Variants in PRKCSH observed in about 807,000 individuals in gnomAD.
PRKCSH encodes the protein glucosidase 2 subunit beta.
In PRKCSH, 42 loss-of-function variants were observed where a neutral mutation model predicts 79.7. The ratio of observed to expected loss-of-function variants is 0.53; its 90% confidence interval spans 0.41 to 0.68. The LOEUF (loss-of-function observed/expected upper bound fraction) is 0.68. PRKCSH is among the 30% of genes least tolerant of loss of function. PRKCSH has a pLI of 0.00. For synonymous variants in PRKCSH, 325 were observed against 288.2 expected, an observed-to-expected ratio of 1.13 and a Z score of -1.29; for missense variants, 686 against 709.0, an observed-to-expected ratio of 0.97 and a Z score of 0.37.
In PRKCSH at chr19:11,436,091, G is replaced by GT. The variant is rs561222519; in HGVS notation, c.-24dup. On this transcript the variant is annotated 5_prime_UTR_variant, in exon 2 of 18. Coordinates refer to ENST00000677123, the MANE Select transcript of PRKCSH (RefSeq NM_001289104.2). The stretch of plus-strand genomic sequence containing the variant: ...CTGTAGGCTTCCTCCCACAGAACCC[G>GT]TTTCGGGCCTCAGAGCGTCTGGTGA... The GT allele has an allele frequency of 6.8e-5, 109 of 1,606,310 alleles. 2 individuals are homozygous for GT. In the South Asian group the frequency reaches 1.1e-3, roughly 16 times the overall value.
chr19:11,444,426 C>T (rs980161658), intron 7 of PRKCSH, among the ~76,000 whole-genome samples: 7 of 152,224 alleles, frequency 4.6e-5, no homozygotes, highest in African/African-American at 1.7e-4. Flanking sequence ...CAGGTCCCTT[C>T]ACCCACAGAA....
chr19:11,446,264 C>A lies in PRKCSH; in HGVS notation c.684-8C>A, dbSNP rs1247923935. The stretch of plus-strand genomic sequence containing the variant: ...CCCCTCCAGTCTGCTTCTGCCACGC[C>A]CCCGCAGGGTCTCGGTGACTGAGCT... On this transcript the variant is annotated splice_region_variant and splice_polypyrimidine_tract_variant and intron_variant, in intron 8 of 17. Coordinates refer to ENST00000677123, the MANE Select transcript of PRKCSH (RefSeq NM_001289104.2). The A allele has an allele frequency of 6.2e-7, 1 of 1,613,308 alleles. No homozygotes were observed. Among genetic ancestry groups the A allele is most frequent in the East Asian group, 2.2e-5 (1 of 44,866 alleles).
chr19:11,436,392 A>C lies in PRKCSH; in HGVS notation c.83A>C (p.His28Pro). 6.2e-7 allele frequency: 1 copy of C among 1,614,090 alleles called. No homozygotes were observed. The highest frequency in any genetic ancestry group is 1.1e-5 in the South Asian group (1 of 91,090). The change falls in exon 3 of 18, where the codon CAT becomes CCT. Residue 28 changes from histidine (H) to proline (P), a missense_variant. His to Pro is a moderately conservative substitution (Grantham distance 77). This residue lies in a region of PRKCSH where 549 missense variants were observed against 520.2 expected (regional missense o/e 1.06). Transcript: ENST00000677123. ...KRPRGVSLTN[H>P]HFYDESKPFT... ...CTGAGCTTCCTGTACCCCGCAGATC[A>C]TCACTTCTACGATGAGTCCAAGCCT... is the stretch of plus-strand genomic sequence containing the variant.
chr19:11,447,672 C>T lies in PRKCSH; in HGVS notation c.1030-21C>T. ...GAGAGGGTGGGGGAAGGGCTACTCA[C>T]TGACCCTGCCCCTGCCCCAGGAGGC... On this transcript the variant is annotated intron_variant, in intron 11 of 17. Coordinates refer to ENST00000677123, the MANE Select transcript of PRKCSH (RefSeq NM_001289104.2). This position sits in a 1 kb window ranked among gnomAD's most constrained non-coding sequence, Gnocchi z 5.6. 1 of 1,563,130 alleles carries T rather than the reference C, an allele frequency of 6.4e-7. No individual in the cohort carries two copies. The highest frequency in any genetic ancestry group is 8.7e-7 in the Non-Finnish European group (1 of 1,153,458).
intron 7 of PRKCSH, among the ~76,000 whole-genome samples, chr19:11,444,648 G>A (rs994842259): frequency 6.6e-6 from 1 of 152,182 alleles, no homozygotes; most frequent in African/African-American, 2.4e-5. Context: ...TGGAGCCGCT[G>A]TTGTGGCTGC....
rs1288532944 is a variant in PRKCSH, at chr19:11,448,400, C to G, written c.1196+109C>G. ...GAGGCAACCACAGGCTGGGCCTGGT[C>G]CCTGCAGGGAGGGTCCCTGGGAGGT... On this transcript the variant is annotated intron_variant, in intron 13 of 17. Transcript: ENST00000677123. This position sits in a 1 kb window ranked among gnomAD's most constrained non-coding sequence, Gnocchi z 4.4. 6.1e-6 allele frequency: 9 copies of G among 1,477,904 alleles called. No individual in the cohort carries two copies. Among genetic ancestry groups the G allele is most frequent in the Non-Finnish European group, 8.4e-6 (9 of 1,073,928 alleles). 91.5% of individuals were successfully genotyped at this position (1,477,904 alleles called of 1,614,324 possible).
chr19:11,448,187 T>C lies in PRKCSH; in HGVS notation c.1127-35T>C. ...CCGTTCCCCATCCTCCTGGATGGGG[T>C]TGAGGACATCTCTGACCTCCAACCC... is the stretch of plus-strand genomic sequence containing the variant. On this transcript the variant is annotated intron_variant, in intron 12 of 17. Coordinates refer to ENST00000677123, the MANE Select transcript of PRKCSH (RefSeq NM_001289104.2). This position sits in a 1 kb window ranked among gnomAD's most constrained non-coding sequence, Gnocchi z 4.4. 3 of 1,546,220 alleles carry C rather than the reference T, an allele frequency of 1.9e-6. No homozygotes were observed. Among genetic ancestry groups the C allele is most frequent in the Non-Finnish European group, 2.6e-6 (3 of 1,142,130 alleles).
chr19:11,442,503 A>C lies in PRKCSH; in HGVS notation c.586A>C (p.Lys196Gln). 1 of 1,610,916 alleles carries C rather than the reference A, an allele frequency of 6.2e-7. No homozygotes were observed. The highest frequency in any genetic ancestry group is 8.5e-7 in the Non-Finnish European group (1 of 1,179,014). ...PEREAKEQHQKLWEEQLAAAK... is the reference protein window; with the variant it reads ...PEREAKEQHQQLWEEQLAAAK... ...GAGAGAGGCCAAAGAGCAGCACCAG[A>C]AGCTGTGGGAAGGTATGGCAGAAAT... Residue 196 changes from lysine (K) to glutamine (Q), a missense_variant, in exon 7 of 18, where the codon AAG becomes CAG. Lys to Gln is a moderately conservative substitution (Grantham distance 53). Around this residue, in one of 2 missense-constraint regions of PRKCSH, gnomAD observed 549 missense variants for 520.2 expected, o/e 1.06. Coordinates refer to ENST00000677123, the MANE Select transcript of PRKCSH (RefSeq NM_001289104.2).
Position 11,449,301 on chromosome 19 carries a change from C to G in PRKCSH, c.1497C>G (p.Thr499=). The part of the protein sequence containing the change: ...RLLCGKETMV[T]STTEPSRCEY... ...TGTGCGGGAAAGAGACCATGGTGAC[C>G]AGCACCACAGAGCCCAGTCGCTGCG... Residue 499 remains threonine, a synonymous_variant, in exon 17 of 18, where the codon ACC becomes ACG. Transcript: ENST00000677123. This position sits in a 1 kb window ranked among gnomAD's most constrained non-coding sequence, Gnocchi z 6.4. The G allele has an allele frequency of 6.2e-7, 1 of 1,613,722 alleles. No homozygotes were observed. The highest frequency in any genetic ancestry group is 8.5e-7 in the Non-Finnish European group (1 of 1,179,974).
Position 11,448,213 on chromosome 19 carries a change from C to G in PRKCSH, c.1127-9C>G, listed in dbSNP as rs1970414147. ...TGAGGACATCTCTGACCTCCAACCC[C>G]TCTCCCAGCTGCCCAGGAGGCCCGC... On this transcript the variant is annotated splice_polypyrimidine_tract_variant and intron_variant, in intron 12 of 17. Transcript: ENST00000677123. The surrounding 1 kb of genome is among the most constrained non-coding windows in gnomAD (Gnocchi z 4.4). 4 of 1,555,334 alleles carry G rather than the reference C, an allele frequency of 2.6e-6. No individual in the cohort carries two copies. The African/African-American group carries it at 4.1e-5, about 16-fold the overall frequency.
rs1447482245 is a variant in PRKCSH, at chr19:11,448,903, G to C, written c.1287-11G>C. ...TGCGTTCCCCAACCCATATGTCCCGGTCCTCCACAGATACGTCTACCGCCT... is the reference window on the plus strand; with the variant it reads ...TGCGTTCCCCAACCCATATGTCCCGCTCCTCCACAGATACGTCTACCGCCT... On this transcript the variant is annotated splice_polypyrimidine_tract_variant and intron_variant, in intron 14 of 17. Transcript: ENST00000677123. This position sits in a 1 kb window ranked among gnomAD's most constrained non-coding sequence, Gnocchi z 4.4. 6.2e-7 allele frequency: 1 copy of C among 1,613,986 alleles called. No individual in the cohort carries two copies. The highest frequency in any genetic ancestry group is 1.3e-5 in the African/African-American group (1 of 74,918).
rs1164808973 is a variant in PRKCSH, at chr19:11,446,351, G to A, written c.762+1G>A. The stretch of plus-strand genomic sequence containing the variant: ...GGCGTTGTCAGAAGCGGAAGCTCAG[G>A]TACCCCCGGCTGCCCCTTGGTTGGG... On this transcript the variant is annotated splice_donor_variant, in intron 9 of 17. Transcript: ENST00000677123. LOFTEE classifies it high-confidence loss of function. 2 of 1,612,818 alleles carry A rather than the reference G, an allele frequency of 1.2e-6. No homozygotes were observed. Among genetic ancestry groups the A allele is most frequent in the Non-Finnish European group, 1.7e-6 (2 of 1,179,332 alleles).
In PRKCSH at chr19:11,449,693, C is replaced by T. The variant is rs928626545; in HGVS notation, c.*16+265C>T. 10 of 494,308 alleles carry T rather than the reference C, an allele frequency of 2.0e-5. No individual in the cohort carries two copies. Among genetic ancestry groups the T allele is most frequent in the African/African-American group, 1.9e-5 (1 of 51,364 alleles). 30.6% of individuals were successfully genotyped at this position (494,308 alleles called of 1,614,324 possible). The stretch of plus-strand genomic sequence containing the variant: ...AAGTAGCTGGGATTACAGGTGTGCA[C>T]CACCATGCCTGGCTAATTTTTAGTA... On this transcript the variant is annotated intron_variant, in intron 17 of 17. Transcript: ENST00000677123. The surrounding 1 kb of genome is among the most constrained non-coding windows in gnomAD (Gnocchi z 6.4).
At position 11,448,098 on chromosome 19, in the gene PRKCSH, G is replaced by A. The variant is rs1970407540; in HGVS notation, c.1127-124G>A. On this transcript the variant is annotated intron_variant, in intron 12 of 17. Coordinates refer to ENST00000677123, the MANE Select transcript of PRKCSH (RefSeq NM_001289104.2). This position sits in a 1 kb window ranked among gnomAD's most constrained non-coding sequence, Gnocchi z 4.4. ...AGCTGGTGAGGCCCTCAAGGCTGTC[G>A]GGGTGAAGTCCTTGGCCAGAGCAAA... The A allele has an allele frequency of 1.8e-5, 19 of 1,070,992 alleles. No homozygotes were observed. Among genetic ancestry groups the A allele is most frequent in the East Asian group, 2.6e-5 (1 of 38,426 alleles). 66.3% of individuals were successfully genotyped at this position (1,070,992 alleles called of 1,614,324 possible).
chr19:11,442,635 C>T (rs532236518), intron 7 of PRKCSH, 120 bp downstream of exon 7: 63 of 1,452,246 alleles, frequency 4.3e-5, no homozygotes, highest in Non-Finnish European at 5.5e-5. Context: ...TGCTGCCCAT[C>T]GCCTTGTGTG....
chr19:11,441,349 G>T lies in PRKCSH; in HGVS notation c.460G>T (p.Glu154Ter). Residue 154 changes from glutamate (E) to a stop codon, truncating the protein, a stop_gained, in exon 6 of 18, where the codon GAG becomes TAG. Coordinates refer to ENST00000677123, the MANE Select transcript of PRKCSH (RefSeq NM_001289104.2). LOFTEE classifies it high-confidence loss of function. ...LIEDWKKARE[E>*]KQKKLIELQA... ...TGAGGACTGGAAGAAGGCACGGGAGGAGAAGCAGGTAAGGAACCCGCGGGG... is the reference window on the plus strand; with the variant it reads ...TGAGGACTGGAAGAAGGCACGGGAGTAGAAGCAGGTAAGGAACCCGCGGGG... 6.2e-7 allele frequency: 1 copy of T among 1,613,960 alleles called. No individual in the cohort carries two copies. Among genetic ancestry groups the T allele is most frequent in the South Asian group, 1.1e-5 (1 of 91,062 alleles).
chr19:11,435,762 G>T lies in PRKCSH; in HGVS notation c.-78+56G>T, dbSNP rs1047908494. The T allele has an allele frequency of 6.5e-6, 9 of 1,379,438 alleles. No homozygotes were observed. The highest frequency in any genetic ancestry group is 1.9e-4 in the Middle Eastern group (1 of 5,234). The allele number at this position is 1,379,438 out of a possible 1,614,324, so 85.4% of individuals were successfully genotyped here. ...CTCAGTTTCTTACAGGGGGCAACCG[G>T]AGGGTGCATGTGTGGGTGTGGACGG... On this transcript the variant is annotated intron_variant, in intron 1 of 17. Transcript: ENST00000677123.
rs1479401666 is a variant in PRKCSH, at chr19:11,441,457, C to T, written c.468+100C>T. On this transcript the variant is annotated intron_variant, in intron 6 of 17. Coordinates refer to ENST00000677123, the MANE Select transcript of PRKCSH (RefSeq NM_001289104.2). The stretch of plus-strand genomic sequence containing the variant: ...GAGGGGTTTGCCCCTGACTGCTGTT[C>T]TGGGGCAAGTGACTGCCTTTCGGAG... 10 of 1,091,714 alleles carry T rather than the reference C, an allele frequency of 9.2e-6. No individual in the cohort carries two copies. In the East Asian group the frequency reaches 2.4e-4, roughly 26 times the overall value. The allele number at this position is 1,091,714 out of a possible 1,614,324, so 67.6% of individuals were successfully genotyped here.
intron 3 of PRKCSH, 60 bp downstream of exon 3, chr19:11,436,565 C>G (rs1568359918): frequency 7.4e-7 from 1 of 1,354,650 alleles, no homozygotes; most frequent in African/African-American, 1.4e-5. Flanking sequence ...GTGCCAGGCC[C>G]TGTCTGTGTG....
Sources: gnomAD v4.1 joint callset for allele counts (sites outside exome capture counted in the v4.1 genomes callset) on GRCh38, gnomAD v4.1.1 for gene constraint, gnomAD v4.1.1 regional missense constraint, Gnocchi (gnomAD v3.1) non-coding constraint, MANE v1.5 for transcripts, NCBI Gene and HGNC (gene_info 2026-07-23, HGNC 2026-07-21) for gene names.